Variants in PLCG2 observed in about 807,000 individuals in gnomAD.
PLCG2 encodes the protein phospholipase C gamma 2, also known as 1-phosphatidylinositol 4,5-bisphosphate phosphodiesterase gamma-2.
In PLCG2, 69 loss-of-function variants were observed where a neutral mutation model predicts 175.6. The ratio of observed to expected loss-of-function variants is 0.39; its 90% confidence interval spans 0.32 to 0.48. PLCG2 has a LOEUF of 0.48. Ranked by LOEUF, PLCG2 falls within the 20% of genes least tolerant of loss-of-function variation. The pLI, the probability that PLCG2 is intolerant of heterozygous loss-of-function variation, is 0.91. For missense variants in PLCG2, 1,798 were observed against 1,650.9 expected (o/e 1.09, Z -1.54); for synonymous variants, 827 against 624.0 (o/e 1.33, Z -4.85).
rs1245360205 is a variant in PLCG2, at chr16:81,958,215, G to A, written c.*217G>A. ...ACTTTCTTAACTTATATTCTTTATAGAGGATTCCCCAAAATGTGCTCCTCA... is the reference window on the plus strand; with the variant it reads ...ACTTTCTTAACTTATATTCTTTATAAAGGATTCCCCAAAATGTGCTCCTCA... On this transcript the variant is annotated 3_prime_UTR_variant, in exon 33 of 33. Transcript: ENST00000564138. 5 of 560,610 alleles carry A rather than the reference G, an allele frequency of 8.9e-6. No individual in the cohort carries two copies. The highest frequency in any genetic ancestry group is 2.4e-5 in the South Asian group (1 of 40,934). 34.7% of individuals were successfully genotyped at this position (560,610 alleles called of 1,614,324 possible). A position where few individuals can be genotyped will look rare whatever the true frequency, so the allele number is the denominator to read the frequency against.
chr16:81,803,113 CTTTTTT>C (rs762278218), intron 2 of PLCG2, among the ~76,000 whole-genome samples: 1 of 131,392 alleles, frequency 7.6e-6, no homozygotes, highest in Non-Finnish European at 1.6e-5. Flanking sequence ...TTGCATTTCA[CTTTTTT>C]TTTTTTTTTT....
intron 2 of PLCG2, among the ~76,000 whole-genome samples, chr16:81,816,603 C>T (rs1017886892): frequency 9.1e-5 from 13 of 142,942 alleles, no homozygotes; most frequent in African/African-American, 1.8e-4. Flanking sequence ...CTCAGCCTCA[C>T]AAGTAGCTGG....
At chr16:81,781,601 C>T (rs867213384) in intron 1 of PLCG2, among the ~76,000 whole-genome samples, 5 of 152,204 alleles carry the variant, frequency 3.3e-5, no homozygotes, top group Non-Finnish European at 7.3e-5. Flanking sequence ...TACACTCTCA[C>T]TTGCAGTGGC....
intron 26 of PLCG2, among the ~76,000 whole-genome samples, chr16:81,934,979 G>C (rs1910648126): frequency 6.6e-6 from 1 of 151,750 alleles, no homozygotes; most frequent in Non-Finnish European, 1.5e-5. Flanking sequence ...ATAACACGTG[G>C]GAATTATGGG....
intron 1 of PLCG2, among the ~76,000 whole-genome samples, chr16:81,741,111 C>T (rs1211085000): frequency 1.3e-5 from 2 of 152,182 alleles, no homozygotes; most frequent in African/African-American, 2.4e-5. Flanking sequence ...GCCCCGACAT[C>T]CAGGCCCAGC....
At chr16:81,754,811 G>A (rs1033027787) in intron 1 of PLCG2, among the ~76,000 whole-genome samples, 1 of 152,108 alleles carries the variant, frequency 6.6e-6, no homozygotes, top group Admixed American at 6.5e-5. Flanking sequence ...ATGGAATAAT[G>A]TGTAGGAAAT....
At chr16:81,929,657 A>G (rs1232677678) in intron 24 of PLCG2, among the ~76,000 whole-genome samples, 1 of 152,210 alleles carries the variant, frequency 6.6e-6, no homozygotes, top group Admixed American at 6.5e-5. Flanking sequence ...TAGCCTCCCA[A>G]AGTGCTGGGA....
intron 2 of PLCG2, among the ~76,000 whole-genome samples, chr16:81,825,067 C>T (rs1904988605): frequency 6.6e-6 from 1 of 152,166 alleles, no homozygotes; most frequent in Admixed American, 6.5e-5. Context: ...CCCCTTGGAG[C>T]CTCCAGAAGG....
chr16:81,910,426 G>T, intron 17 of PLCG2, 94 bp from the exon 18 acceptor site: 1 of 1,081,792 alleles, frequency 9.2e-7, no homozygotes, highest in Non-Finnish European at 1.4e-6. Context: ...GGAAGGTTGT[G>T]TGGCCACATG....
At chr16:81,953,478 T>A (rs1359139418) in intron 31 of PLCG2, among the ~76,000 whole-genome samples, 1 of 152,130 alleles carries the variant, frequency 6.6e-6, no homozygotes, top group African/African-American at 2.4e-5. Flanking sequence ...AAAAACTTTA[T>A]TTTTTTGTGT....
intron 20 of PLCG2, 55 bp downstream of exon 20, chr16:81,919,719 T>C: frequency 6.9e-7 from 1 of 1,455,324 alleles, no homozygotes; most frequent in South Asian, 1.2e-5. Context: ...AGGTTGTAAC[T>C]CATCTGTTCA....
intron 9 of PLCG2, 70 bp downstream of exon 9, chr16:81,883,411 C>G (rs1429474500): frequency 3.1e-6 from 4 of 1,300,102 alleles, no homozygotes; most frequent in Non-Finnish European, 4.4e-6. Flanking sequence ...TCTCACCCTT[C>G]TGCCGCCTGT....
Position 81,891,594 on chromosome 16 carries a change from A to T in PLCG2, c.986+4A>T. ...GGATCTCCTCGTCACATAACACGTG[A>T]GTTTCAGATGAGCCTGTGATGGGTT... is the stretch of plus-strand genomic sequence containing the variant. On this transcript the variant is annotated splice_donor_region_variant and intron_variant, in intron 11 of 32. Coordinates refer to ENST00000564138, the MANE Select transcript of PLCG2 (RefSeq NM_002661.5). 1 of 1,509,320 alleles carries T rather than the reference A, an allele frequency of 6.6e-7. No homozygotes were observed. The highest frequency in any genetic ancestry group is 9.2e-7 in the Non-Finnish European group (1 of 1,084,928). The allele number at this position is 1,509,320 out of a possible 1,614,324, so 93.5% of individuals were successfully genotyped here. A position where few individuals can be genotyped will look rare whatever the true frequency, so the allele number is the denominator to read the frequency against.
intron 6 of PLCG2, 98 bp from the exon 7 acceptor site, chr16:81,870,754 C>G: frequency 6.6e-6 from 4 of 604,784 alleles, no homozygotes; most frequent in Non-Finnish European, 1.1e-5. Context: ...AATAAAATAG[C>G]ATGCCATTTC....
Position 81,874,948 on chromosome 16 carries a change from G to GTTT in PLCG2, c.648+4040_648+4042dup, listed in dbSNP as rs770994063. 7.1e-4 allele frequency among the ~76,000 whole-genome samples: 29 copies of GTTT among 40,764 alleles called. 1 individual carries two copies. Among genetic ancestry groups the GTTT allele is most frequent in the African/African-American group, 1.3e-3 (17 of 12,842 alleles). 26.7% of individuals were successfully genotyped at this position (40,764 alleles called of 152,430 possible). ...CTATTTGCTAGGCACTATCCTATGT[G>GTTT]TTTTTTTTTTTTTTTTTTTTTTTTT... On this transcript the variant is annotated intron_variant, in intron 7 of 32. Transcript: ENST00000564138.
chr16:81,760,392 C>G (rs1215121367), intron 2 of PLCG2, among the ~76,000 whole-genome samples: 1 of 152,140 alleles, frequency 6.6e-6, no homozygotes, highest in African/African-American at 2.4e-5. Flanking sequence ...GATATGTACC[C>G]TCTGACACCT....
At chr16:81,880,019 C>G (rs1255848347) in intron 7 of PLCG2, among the ~76,000 whole-genome samples, 1 of 152,194 alleles carries the variant, frequency 6.6e-6, no homozygotes, top group Non-Finnish European at 1.5e-5. Flanking sequence ...GAGGGAGCAT[C>G]TCTTGAGGCC....
At chr16:81,804,720 C>T (rs538652570) in intron 2 of PLCG2, among the ~76,000 whole-genome samples, 9 of 152,264 alleles carry the variant, frequency 5.9e-5, no homozygotes, top group African/African-American at 1.7e-4. Flanking sequence ...TTTCCCAGAG[C>T]CCTGGAAATG....
intron 5 of PLCG2, among the ~76,000 whole-genome samples, chr16:81,859,832 G>A (rs935577192): frequency 1.5e-4 from 23 of 152,178 alleles, no homozygotes; most frequent in African/African-American, 3.9e-4. Flanking sequence ...CACCGCGCCC[G>A]GCCACCAGGT....
Sources: gnomAD v4.1 joint callset for allele counts (sites outside exome capture counted in the v4.1 genomes callset) on GRCh38, gnomAD v4.1.1 for gene constraint, MANE v1.5 for transcripts, NCBI Gene and HGNC (gene_info 2026-07-23, HGNC 2026-07-21) for gene names.